NDST4: variants seen among roughly 807,000 people sequenced by gnomAD.
NDST4 encodes N-heparan sulfate sulfotransferase 4.
A neutral mutation model predicts 100.8 loss-of-function variants in NDST4; 63 were observed. That is an observed-to-expected ratio of 0.62 (90% CI 0.51 to 0.77). The LOEUF (loss-of-function observed/expected upper bound fraction) is 0.77. Ranked by LOEUF, NDST4 falls within the 30% of genes least tolerant of loss-of-function variation. NDST4 has a pLI of 0.00. For missense variants in NDST4, 943 were observed against 1,018.4 expected, an observed-to-expected ratio of 0.93 and a Z score of 1.01; for synonymous variants, 377 against 361.8, an observed-to-expected ratio of 1.04 and a Z score of -0.48.
At chr4:115,099,507 T>G (rs1470794040) in intron 1 of NDST4, among the ~76,000 whole-genome samples, 5 of 152,064 alleles carry the variant, frequency 3.3e-5, no homozygotes, top group African/African-American at 9.7e-5. Flanking sequence ...AATAAAAACC[T>G]AAATAGATAC....
intron 6 of NDST4, among the ~76,000 whole-genome samples, chr4:114,920,236 ATT>A (rs1424745747): frequency 6.6e-6 from 1 of 152,050 alleles, no homozygotes; most frequent in African/African-American, 2.4e-5. Context: ...TTTCTTTTTT[ATT>A]TTTCTCAATA....
At chr4:114,985,935 T>C (rs1441078774) in intron 2 of NDST4, among the ~76,000 whole-genome samples, 1 of 152,096 alleles carries the variant, frequency 6.6e-6, no homozygotes, top group Non-Finnish European at 1.5e-5. Context: ...TGAGAACAGA[T>C]CTTAGGGTCA....
At chr4:114,861,065 A>G (rs1723908759) in intron 7 of NDST4, among the ~76,000 whole-genome samples, 1 of 152,222 alleles carries the variant, frequency 6.6e-6, no homozygotes, top group Non-Finnish European at 1.5e-5. Flanking sequence ...CTTCAGTTAT[A>G]CTGTATTCAC....
chr4:114,996,542 A>G (rs888837993), intron 2 of NDST4, among the ~76,000 whole-genome samples: 1 of 152,046 alleles, frequency 6.6e-6, no homozygotes, highest in African/African-American at 2.4e-5. Context: ...AGTAATAGAA[A>G]CATCCAAGAG....
At chr4:114,977,107 T>G in intron 3 of NDST4, 80 bp downstream of exon 3, 1 of 855,354 alleles carries the variant, frequency 1.2e-6, no homozygotes, top group Non-Finnish European at 1.8e-6. Context: ...CTGGAGAATC[T>G]ATCTCTACCA....
chr4:114,890,949 A>C (rs749331726), intron 6 of NDST4, among the ~76,000 whole-genome samples: 1 of 151,966 alleles, frequency 6.6e-6, no homozygotes, highest in Non-Finnish European at 1.5e-5. Context: ...AAATTGCTTC[A>C]TGTTTTCCCC....
At chr4:114,885,260 A>G (rs905014765) in intron 6 of NDST4, among the ~76,000 whole-genome samples, 10 of 152,120 alleles carry the variant, frequency 6.6e-5, no homozygotes, top group African/African-American at 2.4e-4. Context: ...TCTGTCACAC[A>G]AGTTCTTTGA....
chr4:115,062,463 A>G (rs1213231952), intron 2 of NDST4, among the ~76,000 whole-genome samples: 2 of 151,904 alleles, frequency 1.3e-5, no homozygotes, highest in African/African-American at 4.8e-5. Flanking sequence ...AAAAATGCCC[A>G]CAAGCGATGC....
At chr4:115,081,307 C>A (rs1449627419) in intron 1 of NDST4, among the ~76,000 whole-genome samples, 4 of 152,130 alleles carry the variant, frequency 2.6e-5, no homozygotes, top group Non-Finnish European at 5.9e-5. Context: ...CCTTCCCTAG[C>A]AAAACTGGCC....
chr4:114,912,195 C>T (rs1357841343), intron 6 of NDST4, among the ~76,000 whole-genome samples: 1 of 152,126 alleles, frequency 6.6e-6, no homozygotes, highest in Non-Finnish European at 1.5e-5. Context: ...ATGGCACTAT[C>T]AATGTGACAA....
At chr4:115,047,189 A>G (rs1253653466) in intron 2 of NDST4, among the ~76,000 whole-genome samples, 3 of 152,090 alleles carry the variant, frequency 2.0e-5, no homozygotes, top group South Asian at 4.1e-4. Context: ...ATCTGTTTTC[A>G]CCTTATAAAA....
intron 2 of NDST4, among the ~76,000 whole-genome samples, chr4:115,002,486 G>A (rs186729266): frequency 2.0e-4 from 30 of 152,252 alleles, no homozygotes; most frequent in Non-Finnish European, 3.2e-4. Flanking sequence ...CTGTGCAGAA[G>A]CTCTTTAGTT....
chr4:114,903,791 G>A (rs980110925), intron 6 of NDST4, among the ~76,000 whole-genome samples: 1 of 151,926 alleles, frequency 6.6e-6, no homozygotes, highest in Non-Finnish European at 1.5e-5. Context: ...AAGCAACATA[G>A]GCACTATTTT....
intron 10 of NDST4, 80 bp from the exon 11 acceptor site, chr4:114,839,628 T>G: frequency 1.6e-6 from 2 of 1,257,304 alleles, no homozygotes; most frequent in South Asian, 2.8e-5. Context: ...GGTGAGCACA[T>G]GCATGTGTGT....
At chr4:114,919,846 G>A (rs191458987) in intron 6 of NDST4, among the ~76,000 whole-genome samples, 1 of 152,146 alleles carries the variant, frequency 6.6e-6, no homozygotes, top group Non-Finnish European at 1.5e-5. Context: ...CTGCAGAGAT[G>A]GAGAGAAAAT....
At chr4:115,025,225 A>G (rs986671461) in intron 2 of NDST4, among the ~76,000 whole-genome samples, 3 of 148,070 alleles carry the variant, frequency 2.0e-5, no homozygotes, top group African/African-American at 8.0e-5. Context: ...GGAGCTGGGC[A>G]ACAGCCTCAA....
Position 114,884,772 on chromosome 4 carries a change from C to T in NDST4, c.1537-13822G>A, listed in dbSNP as rs79885419. 5.9e-5 allele frequency among the ~76,000 whole-genome samples: 9 copies of T among 152,182 alleles called. No homozygotes were observed. In the East Asian group the frequency reaches 1.5e-3, roughly 26 times the overall value. ...CATATGAATGGTTCTCCAGCTTATG[C>T]TAAATGAAGCATGTTAGAATAAATC... On this transcript the variant is annotated intron_variant, in intron 6 of 13. Coordinates refer to ENST00000264363, the MANE Select transcript of NDST4 (RefSeq NM_022569.3).
At chr4:114,892,707 CT>C (rs1444568648) in intron 6 of NDST4, among the ~76,000 whole-genome samples, 2 of 151,700 alleles carry the variant, frequency 1.3e-5, no homozygotes, top group Non-Finnish European at 2.9e-5. Flanking sequence ...TGAAATGTGT[CT>C]CTATCTACTT....
chr4:114,983,899 T>C (rs1259052806), intron 2 of NDST4, among the ~76,000 whole-genome samples: 1 of 152,096 alleles, frequency 6.6e-6, no homozygotes, highest in Non-Finnish European at 1.5e-5. Context: ...CCAAGTGCAG[T>C]CTTGTGACAG....
Sources: gnomAD v4.1 joint callset for allele counts (sites outside exome capture counted in the v4.1 genomes callset) on GRCh38, gnomAD v4.1.1 for gene constraint, MANE v1.5 for transcripts, NCBI Gene and HGNC (gene_info 2026-07-23, HGNC 2026-07-21) for gene names.